Variants in ACCS observed in about 807,000 individuals in gnomAD.
ACCS encodes 1-aminocyclopropane-1-carboxylate synthase-like protein 1.
A neutral mutation model predicts 59.8 loss-of-function variants in ACCS; 42 were observed. The observed-to-expected ratio is 0.70, with a 90% confidence interval of 0.55 to 0.91. The LOEUF is 0.91. ACCS is among the 40% of genes least tolerant of loss of function. The probability of loss-of-function intolerance (pLI) is 0.00; values close to 1 mark genes in which losing one functional copy is unlikely to be tolerated. For missense variants in ACCS, 602 were observed against 630.4 expected (o/e 0.95, Z 0.48); for synonymous variants, 230 against 240.3 (o/e 0.96, Z 0.40).
chr11:44,069,318 C>T (rs1005286040), intron 2 of ACCS, among the ~76,000 whole-genome samples: 1 of 151,924 alleles, frequency 6.6e-6, no homozygotes, highest in East Asian at 1.9e-4. Context: ...CTCCCGGGTT[C>T]AAGGGATTCT....
rs765169287 is a variant in ACCS, at chr11:44,067,784, C to T, written c.157C>T (p.Pro53Ser). The T allele has an allele frequency of 6.2e-7, 1 of 1,614,138 alleles. No individual in the cohort carries two copies. The highest frequency in any genetic ancestry group is 1.1e-5 in the South Asian group (1 of 91,076). ...GCCAGAGCTCCGTGGAGTGGGTGATCCTGCCATGATCTCCTCTGATACCTC... is the reference window on the plus strand; with the variant it reads ...GCCAGAGCTCCGTGGAGTGGGTGATTCTGCCATGATCTCCTCTGATACCTC... Reference protein sequence around the residue: ...KLPELRGVGDPAMISSDTSYL... With the variant: ...KLPELRGVGDSAMISSDTSYL... Residue 53 changes from proline to serine, a missense_variant, in exon 2 of 15, where the codon CCT becomes TCT. Coordinates refer to ENST00000263776, the MANE Select transcript of ACCS (RefSeq NM_032592.4).
At chr11:44,077,760 G>A (rs1953443975) in intron 7 of ACCS, 85 bp from the exon 8 acceptor site, 2 of 1,537,218 alleles carry the variant, frequency 1.3e-6, no homozygotes, top group East Asian at 2.3e-5. Flanking sequence ...GGATTACAGG[G>A]GAGGAGAGGC....
At chr11:44,080,185 G>A (rs1338273548) in intron 10 of ACCS, among the ~76,000 whole-genome samples, 2 of 152,184 alleles carry the variant, frequency 1.3e-5, no homozygotes, top group East Asian at 1.9e-4. Flanking sequence ...AGGAGTTTGA[G>A]ACCATCCTGG....
chr11:44,078,227 G>A, intron 8 of ACCS: 1 of 385,154 alleles, frequency 2.6e-6, no homozygotes, highest in Non-Finnish European at 4.6e-6. Flanking sequence ...TGGAGTACAG[G>A]AGTCTGTGGT....
chr11:44,082,171 C>T (rs1953669133), intron 12 of ACCS: 1 of 148,178 alleles, frequency 6.7e-6, no homozygotes, highest in South Asian at 2.2e-4. Context: ...AGCTGGAAGT[C>T]TCATACACTG....
chr11:44,079,486 G>T (rs780208408), intron 9 of ACCS, 45 bp from the exon 10 acceptor site: 1 of 1,531,560 alleles, frequency 6.5e-7, no homozygotes, highest in Admixed American at 1.8e-5. Context: ...GGACGCATCT[G>T]CCCTACACAC....
intron 4 of ACCS, among the ~76,000 whole-genome samples, chr11:44,074,169 T>G (rs1256526084): frequency 1.3e-5 from 2 of 152,158 alleles, no homozygotes; most frequent in African/African-American, 2.4e-5. Flanking sequence ...TTTTTGTTTC[T>G]TTGCCTGTAC....
chr11:44,071,282 G>A lies in ACCS; in HGVS notation c.315G>A (p.Glu105=), dbSNP rs1171530702. ...PSGIINLGTS[E]NKLCFDLLSW... ...GCATCATTAACTTGGGCACCAGTGA[G>A]AACAAACTCTGCTTTGACCTGCTGT... Residue 105 remains glutamate, a synonymous_variant, in exon 3 of 15, where the codon GAG becomes GAA. Transcript: ENST00000263776. The A allele has an allele frequency of 2.5e-6, 4 of 1,613,986 alleles. No individual in the cohort carries two copies. Among genetic ancestry groups the A allele is most frequent in the Non-Finnish European group, 2.5e-6 (3 of 1,180,014 alleles).
chr11:44,070,187 G>A (rs58936925), intron 2 of ACCS, among the ~76,000 whole-genome samples: 1 of 152,286 alleles, frequency 6.6e-6, no homozygotes, highest in East Asian at 1.9e-4. Context: ...TGGAATAGGA[G>A]GTATTCAAAG....
chr11:44,078,195 T>G, intron 8 of ACCS: 1 of 457,976 alleles, frequency 2.2e-6, no homozygotes, highest in African/African-American at 2.0e-5. Flanking sequence ...ATCCATCTGA[T>G]TATGATTCAG....
chr11:44,071,447 G>A, intron 3 of ACCS, 132 bp downstream of exon 3: 1 of 929,272 alleles, frequency 1.1e-6, no homozygotes, highest in Non-Finnish European at 1.7e-6. Context: ...CGGGTTCCAG[G>A]CCTACCTTGG....
In ACCS at chr11:44,071,267, C is replaced by T. The variant is rs770955945; in HGVS notation, c.300C>T (p.Asn100=). 4.3e-6 allele frequency: 7 copies of T among 1,614,032 alleles called. No individual in the cohort carries two copies. In the African/African-American group the frequency reaches 9.3e-5, roughly 22 times the overall value. ...CCTCTCATCTCCAGGGCATCATTAACTTGGGCACCAGTGAGAACAAACTCT... is the reference window on the plus strand; with the variant it reads ...CCTCTCATCTCCAGGGCATCATTAATTTGGGCACCAGTGAGAACAAACTCT... ...DEDKNPSGII[N]LGTSENKLCF... Residue 100 remains asparagine, a synonymous_variant, in exon 3 of 15, where the codon AAC becomes AAT. Transcript: ENST00000263776.
chr11:44,073,781 C>A (rs1953178109), intron 4 of ACCS, among the ~76,000 whole-genome samples: 1 of 152,186 alleles, frequency 6.6e-6, no homozygotes. Flanking sequence ...CACCTCAGCA[C>A]AGGAGCTCGC....
In ACCS at chr11:44,077,851, G is replaced by T; in HGVS notation, c.661G>T (p.Gly221Trp). The change falls in exon 8 of 15, where the codon GGG becomes TGG. Residue 221 changes from glycine to tryptophan, a missense_variant. By Grantham distance (184) the Gly-to-Trp change is radical (BLOSUM62 -2). Coordinates refer to ENST00000263776, the MANE Select transcript of ACCS (RefSeq NM_032592.4). ...CTGATGGGTCTTTTTCCAGGTCACT[G>T]GGCTAGACACACGCCCCTTCCAGCT... ...AYVYLDSEVT[G>W]LDTRPFQLTV... The T allele has an allele frequency of 1.9e-6, 3 of 1,613,774 alleles. No homozygotes were observed. In the Admixed American group the frequency reaches 5.0e-5, roughly 27 times the overall value.
chr11:44,080,148 G>A (rs1341095198), intron 10 of ACCS, among the ~76,000 whole-genome samples: 1 of 152,240 alleles, frequency 6.6e-6, no homozygotes, highest in East Asian at 1.9e-4. Flanking sequence ...ACTTTGGGAG[G>A]CCAAGGTGGG....
chr11:44,074,624 A>G lies in ACCS; in HGVS notation c.432A>G (p.Glu144=). 5 of 1,612,984 alleles carry G rather than the reference A, an allele frequency of 3.1e-6. No individual in the cohort carries two copies. Among genetic ancestry groups the G allele is most frequent in the Non-Finnish European group, 4.2e-6 (5 of 1,179,482 alleles). The change falls in exon 5 of 15, where the codon GAA becomes GAG. Residue 144 remains glutamate, a synonymous_variant. Coordinates refer to ENST00000263776, the MANE Select transcript of ACCS (RefSeq NM_032592.4). Reference sequence around the variant, plus strand: ...GTCTTATCTTCAGCCTCCGGGAGGAAGTGGCCAAGTTCCTGTCTTTCTACT... The same window carrying G: ...GTCTTATCTTCAGCCTCCGGGAGGAGGTGGCCAAGTTCCTGTCTTTCTACT... ...DWRGHLFLRE[E]VAKFLSFYCK...
chr11:44,075,584 A>T lies in ACCS; in HGVS notation c.548A>T (p.Glu183Val). 6.2e-7 allele frequency: 1 copy of T among 1,614,068 alleles called. No individual in the cohort carries two copies. The highest frequency in any genetic ancestry group is 8.5e-7 in the Non-Finnish European group (1 of 1,180,026). ...LFSALATVLCEAGEAFLIPTP... is the reference protein window; with the variant it reads ...LFSALATVLCVAGEAFLIPTP... ...TCTGCTCTGGCCACGGTGCTGTGTG[A>T]GGCCGGGGGTAAGTGAGCTCTGTGG... The change falls in exon 6 of 15, where the codon GAG (glutamate) becomes GTG (valine). Residue 183 changes from glutamate to valine, a missense_variant. Transcript: ENST00000263776.
At position 44,084,159 on chromosome 11, in the gene ACCS, G is replaced by T; in HGVS notation, c.*367G>T. Reference sequence around the variant, plus strand: ...ATATCACCGTCATTCCTCTTTCTTTGTCACCAAGGAAACGAGTCAAAGGAA... The same window carrying T: ...ATATCACCGTCATTCCTCTTTCTTTTTCACCAAGGAAACGAGTCAAAGGAA... On this transcript the variant is annotated 3_prime_UTR_variant, in exon 15 of 15. Transcript: ENST00000263776. 4.8e-6 allele frequency: 1 copy of T among 207,816 alleles called. No homozygotes were observed. The allele number at this position is 207,816 out of a possible 1,614,324, so 12.9% of individuals were successfully genotyped here.
chr11:44,069,264 C>G (rs1335878041), intron 2 of ACCS, among the ~76,000 whole-genome samples: 1 of 151,868 alleles, frequency 6.6e-6, no homozygotes, highest in African/African-American at 2.4e-5. Context: ...GCTGTGACAC[C>G]CATGGAGTGC....
Sources: gnomAD v4.1 joint callset for allele counts (sites outside exome capture counted in the v4.1 genomes callset) on GRCh38, gnomAD v4.1.1 for gene constraint, MANE v1.5 for transcripts, NCBI Gene and HGNC (gene_info 2026-07-23, HGNC 2026-07-21) for gene names.